SESTD1: variants seen among roughly 807,000 people sequenced by gnomAD.
SESTD1 encodes SEC14 domain and spectrin repeat-containing protein 1.
In SESTD1, 43 loss-of-function variants were observed where a neutral mutation model predicts 101.7. The observed-to-expected ratio is 0.42, with a 90% CI of 0.33 to 0.55. The LOEUF (loss-of-function observed/expected upper bound fraction) is 0.55. SESTD1 is among the 20% of genes least tolerant of loss of function. SESTD1 has a pLI of 0.07. For synonymous variants in SESTD1, 283 were observed against 286.8 expected (o/e 0.99, Z 0.13); for missense variants, 647 against 815.1 (o/e 0.79, Z 2.51).
At chr2:179,235,237 T>C (rs2047049510) in intron 1 of SESTD1, among the ~76,000 whole-genome samples, 1 of 152,134 alleles carries the variant, frequency 6.6e-6, no homozygotes, top group Admixed American at 6.5e-5. Context: ...TACTTAGGAA[T>C]AAAGGGACAT....
chr2:179,249,655 A>T (rs1329712870), intron 1 of SESTD1, among the ~76,000 whole-genome samples: 1 of 152,164 alleles, frequency 6.6e-6, no homozygotes, highest in Non-Finnish European at 1.5e-5. Flanking sequence ...ATACAGAAAA[A>T]AATTATCCTA....
At chr2:179,159,414 G>A (rs2045691427) in intron 5 of SESTD1, among the ~76,000 whole-genome samples, 1 of 152,180 alleles carries the variant, frequency 6.6e-6, no homozygotes, top group African/African-American at 2.4e-5. Context: ...TTTCACTGCT[G>A]TGAATTTGCT....
At chr2:179,158,330 C>CT (rs774620858) in intron 5 of SESTD1, among the ~76,000 whole-genome samples, 8 of 152,152 alleles carry the variant, frequency 5.3e-5, no homozygotes, top group Non-Finnish European at 1.2e-4. Flanking sequence ...GCTCTCGTCA[C>CT]TTTTCTATCC....
chr2:179,117,381 A>T (rs1406095144), intron 14 of SESTD1, 151 bp downstream of exon 14: 6 of 602,858 alleles, frequency 1.0e-5, no homozygotes, highest in Non-Finnish European at 1.6e-5. Context: ...TGGGAATACC[A>T]AAGTGTATTC....
chr2:179,141,472 G>A (rs77198889), intron 9 of SESTD1, among the ~76,000 whole-genome samples: 1,742 of 151,792 alleles, frequency 0.011, 37 homozygotes, highest in African/African-American at 0.04. Context: ...TCATGACATT[G>A]CTGAGCCTAG....
At chr2:179,196,686 C>A (rs553238137) in intron 1 of SESTD1, among the ~76,000 whole-genome samples, 2 of 152,140 alleles carry the variant, frequency 1.3e-5, no homozygotes, top group African/African-American at 2.4e-5. Flanking sequence ...AGGCACCCCC[C>A]AGAAGGGGCA....
intron 1 of SESTD1, among the ~76,000 whole-genome samples, chr2:179,197,901 C>A (rs1348771196): frequency 6.6e-6 from 1 of 151,516 alleles, no homozygotes; most frequent in Non-Finnish European, 1.5e-5. Context: ...ACTGCATCAA[C>A]TAACGAGCAA....
At position 179,143,751 on chromosome 2, in the gene SESTD1, T is replaced by A; in HGVS notation, c.690A>T (p.Gly230=). The change falls in exon 9 of 18, where the codon GGA becomes GGT. Residue 230 remains glycine, a synonymous_variant. Transcript: ENST00000428443. ...CATCCATAGGAGACCATGAAACCCC[T>A]CCGTCTGAGCCATTAAATCGACGCT... The part of the protein sequence containing the change: ...LQQRRFNGSD[G]GVSWSPMDDE... 6.2e-7 allele frequency: 1 copy of A among 1,613,990 alleles called. No homozygotes were observed. Among genetic ancestry groups the A allele is most frequent in the South Asian group, 1.1e-5 (1 of 91,084 alleles).
intron 2 of SESTD1, among the ~76,000 whole-genome samples, chr2:179,186,284 T>C (rs559393048): frequency 1.3e-5 from 2 of 152,064 alleles, no homozygotes; most frequent in East Asian, 3.9e-4. Context: ...CGATCTAAAC[T>C]CCAGAAGATC....
intron 3 of SESTD1, among the ~76,000 whole-genome samples, chr2:179,182,176 G>C (rs181976310): frequency 1.3e-5 from 2 of 152,148 alleles, no homozygotes; most frequent in East Asian, 3.9e-4. Flanking sequence ...TGATGAAAAT[G>C]TTTAAAATTC....
rs184041685 is a variant in SESTD1, at chr2:179,185,106, T to C, written c.56-1918A>G. 2.7e-4 allele frequency among the ~76,000 whole-genome samples: 41 copies of C among 151,942 alleles called. No individual in the cohort carries two copies. The South Asian group carries it at 6.0e-3, about 22-fold the overall frequency. ...CATTTTCACACACCATTGGAAAAAA[T>C]AGGAATTGAAACAATCTTCTTGGAG... On this transcript the variant is annotated intron_variant, in intron 2 of 17. Coordinates refer to ENST00000428443, the MANE Select transcript of SESTD1 (RefSeq NM_178123.5).
chr2:179,185,575 T>C (rs1344852609), intron 2 of SESTD1, among the ~76,000 whole-genome samples: 2 of 132,012 alleles, frequency 1.5e-5, no homozygotes, highest in Non-Finnish European at 1.5e-5. Flanking sequence ...GTATATAATA[T>C]ACTATATTAT....
At chr2:179,193,179 T>C (rs1474987425) in intron 1 of SESTD1, among the ~76,000 whole-genome samples, 2 of 152,126 alleles carry the variant, frequency 1.3e-5, no homozygotes, top group African/African-American at 2.4e-5. Context: ...AGTTGTAACA[T>C]TGGTCAGATA....
intron 1 of SESTD1, among the ~76,000 whole-genome samples, chr2:179,197,670 A>G (rs2046424724): frequency 6.6e-6 from 1 of 152,242 alleles, no homozygotes; most frequent in South Asian, 2.1e-4. Flanking sequence ...TTCTTAAAGA[A>G]AAGAATTTTC....
At chr2:179,226,913 G>A (rs1028212043) in intron 1 of SESTD1, among the ~76,000 whole-genome samples, 2 of 152,100 alleles carry the variant, frequency 1.3e-5, no homozygotes, top group African/African-American at 4.8e-5. Context: ...AGAATACAGA[G>A]GAAGCAGGAG....
intron 4 of SESTD1, among the ~76,000 whole-genome samples, chr2:179,175,602 C>T (rs2045997755): frequency 6.6e-6 from 1 of 152,148 alleles, no homozygotes; most frequent in African/African-American, 2.4e-5. Flanking sequence ...GTGAGGAAGG[C>T]CCTCTTGACT....
chr2:179,217,359 G>T lies in SESTD1; in HGVS notation c.-25-25493C>A, dbSNP rs573979762. On this transcript the variant is annotated intron_variant, in intron 1 of 17. Transcript: ENST00000428443. ...CTTCTCAAAAGAAGACATTTATGCA[G>T]CCAACAGACACCTGAAAATATGCTC... Among the ~76,000 whole-genome samples the T allele has an allele frequency of 1.2e-4, 18 of 152,322 alleles. No homozygotes were observed. In the South Asian group the frequency reaches 3.5e-3, roughly 30 times the overall value.
chr2:179,210,864 C>T (rs1460902201), intron 1 of SESTD1, among the ~76,000 whole-genome samples: 1 of 134,108 alleles, frequency 7.5e-6, no homozygotes, highest in Non-Finnish European at 1.6e-5. Flanking sequence ...AAATAAACGG[C>T]ATCTAAATCG....
rs540057366 is a variant in SESTD1, at chr2:179,198,662, C to T, written c.-25-6796G>A. Among the ~76,000 whole-genome samples the T allele has an allele frequency of 4.5e-4, 68 of 151,634 alleles. No individual in the cohort carries two copies. In the East Asian group the frequency reaches 8.1e-3, roughly 18 times the overall value. ...CAGGATTAAGAATCTCACTCAAAAC[C>T]GCTCAACTACATGGAAACTGAACAA... On this transcript the variant is annotated intron_variant, in intron 1 of 17. Transcript: ENST00000428443.
Sources: allele counts gnomAD v4.1 joint callset (sites outside exome capture counted in the v4.1 genomes callset), GRCh38; gene constraint gnomAD v4.1.1; transcripts MANE v1.5; gene names NCBI Gene and HGNC (gene_info 2026-07-23, HGNC 2026-07-21).